Variants in ANK3 observed in about 807,000 individuals in gnomAD.
The protein encoded by ANK3 is ankyrin-3.
ANK3 carries 57 observed loss-of-function variants against 370.9 expected under a neutral mutation model. The observed-to-expected ratio is 0.15, with a 90% CI of 0.12 to 0.19. The LOEUF is 0.19. Among genes scored for constraint, ANK3 ranks in the 10% least tolerant of loss-of-function variants. The pLI is 1.00. For synonymous variants in ANK3, 1,929 were observed against 1,946.3 expected (o/e 0.99, Z 0.23); for missense variants, 4,439 against 5,302.1 (o/e 0.84, Z 5.06).
intron 43 of ANK3, among the ~76,000 whole-genome samples, chr10:60,041,079 T>C (rs4611159): frequency 6.6e-6 from 1 of 152,054 alleles, no homozygotes; most frequent in African/African-American, 2.4e-5. Context: ...AAAAACCAAG[T>C]TGTGTTGAAA....
intron 1 of ANK3, among the ~76,000 whole-genome samples, chr10:60,382,949 A>G (rs113589751): frequency 0.014 from 2,078 of 152,098 alleles, 36 homozygotes; most frequent in African/African-American, 0.048. Flanking sequence ...ATGATTTATT[A>G]AAATTTGAAT....
chr10:60,465,216 C>T (rs12260717), intron 2 of ANK3, among the ~76,000 whole-genome samples: 15,769 of 151,476 alleles, frequency 0.1, 896 homozygotes, highest in South Asian at 0.18. Context: ...ATGATTGCCC[C>T]ACTGCACTCC....
intron 2 of ANK3, among the ~76,000 whole-genome samples, chr10:60,581,878 C>T (rs1384454176): frequency 1.3e-5 from 2 of 151,904 alleles, no homozygotes; most frequent in African/African-American, 4.8e-5. Context: ...ACCCAAATGC[C>T]CATCAATGAT....
chr10:60,382,179 C>A (rs2061633798), intron 1 of ANK3, among the ~76,000 whole-genome samples: 1 of 152,090 alleles, frequency 6.6e-6, no homozygotes, highest in African/African-American at 2.4e-5. Context: ...CCTACAAAAT[C>A]TTGAACTTCC....
intron 25 of ANK3, among the ~76,000 whole-genome samples, chr10:60,118,390 A>T (rs1382076621): frequency 6.6e-6 from 1 of 152,236 alleles, no homozygotes; most frequent in Non-Finnish European, 1.5e-5. Flanking sequence ...GAACAGCTTT[A>T]TCTGCATTTA....
At chr10:60,239,120 G>A (rs1020740680) in intron 7 of ANK3, among the ~76,000 whole-genome samples, 4 of 151,952 alleles carry the variant, frequency 2.6e-5, no homozygotes, top group African/African-American at 9.7e-5. Flanking sequence ...AAAAAGAGTG[G>A]AAAAGAAAGA....
intron 1 of ANK3, among the ~76,000 whole-genome samples, chr10:60,682,974 T>C (rs2079216304): frequency 6.6e-6 from 1 of 152,110 alleles, no homozygotes; most frequent in South Asian, 2.1e-4. Flanking sequence ...GACTTTCAAC[T>C]GTGGGGGAAG....
rs567949408 is a variant in ANK3, at chr10:60,158,578, AT to A, written c.2614+8012del. The stretch of plus-strand genomic sequence containing the variant: ...TGTCACCAGTTTAAAATAATTGATT[AT>A]AAGATGTTATTTGCAAGTCTTATGG... On this transcript the variant is annotated intron_variant, in intron 23 of 43. Transcript: ENST00000280772. Among the ~76,000 whole-genome samples the A allele has an allele frequency of 2.4e-3, 367 of 152,212 alleles. 4 individuals carry two copies. Among genetic ancestry groups the A allele is most frequent in the African/African-American group, 8.4e-3 (348 of 41,558 alleles).
chr10:60,301,169 T>C (rs1005054202), intron 1 of ANK3, among the ~76,000 whole-genome samples: 10 of 147,856 alleles, frequency 6.8e-5, no homozygotes, highest in Non-Finnish European at 1.0e-4. Flanking sequence ...TATATATATA[T>C]ACACACTATA....
intron 1 of ANK3, among the ~76,000 whole-genome samples, chr10:60,660,271 A>G (rs565340924): frequency 6.6e-6 from 1 of 152,282 alleles, no homozygotes; most frequent in South Asian, 2.1e-4. Flanking sequence ...CTGCATGAAT[A>G]TGTCAAATAT....
intron 1 of ANK3, among the ~76,000 whole-genome samples, chr10:60,285,487 T>C (rs2098230810): frequency 6.6e-6 from 1 of 152,164 alleles, no homozygotes; most frequent in South Asian, 2.1e-4. Context: ...CTTGTAATGT[T>C]TGACAGTACC....
At chr10:60,200,461 G>T (rs999903757) in intron 12 of ANK3, among the ~76,000 whole-genome samples, 6 of 152,306 alleles carry the variant, frequency 3.9e-5, no homozygotes, top group African/African-American at 1.4e-4. Context: ...CAGGGGTGCT[G>T]CTCAGTAACC....
At chr10:60,089,843 A>G (rs534043162) in intron 28 of ANK3, among the ~76,000 whole-genome samples, 2 of 152,168 alleles carry the variant, frequency 1.3e-5, no homozygotes, top group South Asian at 2.1e-4. Flanking sequence ...TTATATATGT[A>G]TTATGTATTT....
At chr10:60,333,373 C>G (rs2051882495) in intron 1 of ANK3, among the ~76,000 whole-genome samples, 1 of 152,012 alleles carries the variant, frequency 6.6e-6, no homozygotes, top group African/African-American at 2.4e-5. Context: ...TAATTCAACT[C>G]CCACTTATGA....
At chr10:60,453,053 T>C (rs949075573) in intron 2 of ANK3, among the ~76,000 whole-genome samples, 4 of 152,174 alleles carry the variant, frequency 2.6e-5, no homozygotes, top group Non-Finnish European at 4.4e-5. Flanking sequence ...AAAACTAAAT[T>C]TATGAAAATG....
chr10:60,623,283 G>A (rs564642735), intron 1 of ANK3, among the ~76,000 whole-genome samples: 14 of 152,260 alleles, frequency 9.2e-5, no homozygotes, highest in Non-Finnish European at 1.6e-4. Context: ...AAAGCCAACC[G>A]TAGCAAGTGC....
At chr10:60,374,180 G>T (rs1484773248) in intron 1 of ANK3, among the ~76,000 whole-genome samples, 1 of 151,922 alleles carries the variant, frequency 6.6e-6, no homozygotes, top group African/African-American at 2.4e-5. Context: ...CAGGACCAGT[G>T]TCAGGGTCCT....
At chr10:60,130,601 A>G (rs2094008795) in intron 25 of ANK3, among the ~76,000 whole-genome samples, 1 of 152,232 alleles carries the variant, frequency 6.6e-6, no homozygotes, top group South Asian at 2.1e-4. Context: ...TTTGAACATT[A>G]TAAATACAAA....
intron 18 of ANK3, among the ~76,000 whole-genome samples, chr10:60,180,861 G>T: frequency 6.6e-6 from 1 of 152,008 alleles, no homozygotes; most frequent in Middle Eastern, 3.4e-3. Context: ...GAGAACACAC[G>T]CATGACCGCA....
Sources: allele counts gnomAD v4.1 joint callset (sites outside exome capture counted in the v4.1 genomes callset), GRCh38; gene constraint gnomAD v4.1.1; transcripts MANE v1.5; gene names NCBI Gene and HGNC (gene_info 2026-07-23, HGNC 2026-07-21).